The following MCPH1 variants were observed in gnomAD, a reference collection of about 807,000 sequenced individuals.
The protein encoded by MCPH1 is microcephalin 1, also known as microcephalin.
A neutral mutation model predicts 84.5 loss-of-function variants in MCPH1; 104 were observed. That is an observed-to-expected ratio of 1.23 (90% CI 1.05 to 1.45). MCPH1 has a LOEUF of 1.45. MCPH1 is among the 40% of genes most tolerant of loss of function. The pLI, the probability that MCPH1 is intolerant of heterozygous loss-of-function variation, is 0.00. For synonymous variants in MCPH1, 514 were observed against 366.8 expected (o/e 1.40, Z -4.58); for missense variants, 1,498 against 1,005.7 (o/e 1.49, Z -6.62).
rs1330236961 is a variant in MCPH1, at chr8:6,505,533, GTATATATAGAATATATA to G, written c.2214+5607_2214+5623del. Among the ~76,000 whole-genome samples the G allele has an allele frequency of 3.3e-5, 2 of 61,224 alleles. 1 individual carries two copies. The highest frequency in any genetic ancestry group is 8.5e-5 in the Non-Finnish European group (2 of 23,454). The allele number at this position is 61,224 out of a possible 152,430, so 40.2% of individuals were successfully genotyped here. ...TATAGAATATATATTCTTTATATAT[GTATATATAGAATATATA>G]TACTTTATATATGTATATATAGAAT... is the stretch of plus-strand genomic sequence containing the variant. On this transcript the variant is annotated intron_variant, in intron 12 of 13. Coordinates refer to ENST00000344683, the MANE Select transcript of MCPH1 (RefSeq NM_024596.5).
rs994297065 is a variant in MCPH1, at chr8:6,619,709, C to G, written c.2215-1745C>G. ...ACACCATTCTCCTGCCTCAGCCTCC[C>G]GAGTAGCTGGGACTACAGGTGCCCA... On this transcript the variant is annotated intron_variant, in intron 12 of 13. Transcript: ENST00000344683. Among the ~76,000 whole-genome samples the G allele has an allele frequency of 3.9e-5, 6 of 152,260 alleles. No individual in the cohort carries two copies. In the East Asian group the frequency reaches 1.2e-3, roughly 29 times the overall value.
At chr8:6,611,130 TCA>T (rs138053875) in intron 12 of MCPH1, among the ~76,000 whole-genome samples, 3,462 of 149,720 alleles carry the variant, frequency 0.023, 114 homozygotes, top group African/African-American at 0.07. Flanking sequence ...ACACACACAC[TCA>T]CACACACACA....
intron 12 of MCPH1, among the ~76,000 whole-genome samples, chr8:6,598,480 C>T (rs1288129679): frequency 6.6e-6 from 1 of 152,184 alleles, no homozygotes; most frequent in East Asian, 1.9e-4. Context: ...TGAGGAATGT[C>T]GTTGTCCAGG....
intron 12 of MCPH1, chr8:6,615,508 G>A (rs1458948828): frequency 1.3e-5 from 2 of 152,318 alleles, no homozygotes; most frequent in African/African-American, 2.4e-5. Flanking sequence ...CCTGAGTTGG[G>A]GGCAGGAGGC....
At chr8:6,611,875 C>T (rs1196258678) in intron 12 of MCPH1, among the ~76,000 whole-genome samples, 1 of 152,208 alleles carries the variant, frequency 6.6e-6, no homozygotes, top group Non-Finnish European at 1.5e-5. Flanking sequence ...ACCTCGGCCT[C>T]CCAAAGTGCT....
intron 13 of MCPH1, among the ~76,000 whole-genome samples, chr8:6,639,128 A>G (rs535898069): frequency 1.1e-4 from 17 of 152,250 alleles, no homozygotes; most frequent in African/African-American, 4.1e-4. Context: ...CACCACGATA[A>G]ATACGTGGAT....
chr8:6,600,368 C>T (rs887131804), intron 12 of MCPH1, among the ~76,000 whole-genome samples: 2 of 152,234 alleles, frequency 1.3e-5, no homozygotes, highest in African/African-American at 4.8e-5. Context: ...TAGCCCTCAG[C>T]GCACAGGTGG....
At chr8:6,625,467 A>C (rs530846267) in intron 13 of MCPH1, 1 of 985,412 alleles carries the variant, frequency 1.0e-6, no homozygotes, top group African/African-American at 1.7e-5. Context: ...AAAATATCGC[A>C]ATATTGAAAA....
intron 4 of MCPH1, among the ~76,000 whole-genome samples, chr8:6,434,816 G>C (rs1040854188): frequency 2.6e-5 from 4 of 152,156 alleles, no homozygotes; most frequent in African/African-American, 9.7e-5. Context: ...TGAAAACGAA[G>C]GAACCTAGAC....
chr8:6,625,626 C>G, intron 13 of MCPH1: 1 of 985,216 alleles, frequency 1.0e-6, no homozygotes, highest in East Asian at 1.1e-4. Context: ...AAGGTAGGGT[C>G]CCTGAGCGTC....
chr8:6,473,246 A>G (rs952519794), intron 9 of MCPH1, among the ~76,000 whole-genome samples: 3 of 151,082 alleles, frequency 2.0e-5, no homozygotes, highest in Non-Finnish European at 4.4e-5. Flanking sequence ...CTTAAAAGAT[A>G]TCCACTTATA....
rs34009706 is a variant in MCPH1 at position 6,643,040 on chromosome 8, G to A, written c.2499G>A (p.Leu833=). Residue 833 remains leucine (L), a synonymous_variant, in exon 14 of 14, where the codon TTG becomes TTA. Transcript: ENST00000344683. ...HKVCAPENYL[L]SQ ...TCTGTGCCCCTGAAAACTACCTATT[G>A]TCACAATGACAGTGACCTCACTGGC... 1 of 1,613,938 alleles carries A rather than the reference G, an allele frequency of 6.2e-7. No individual in the cohort carries two copies. Among genetic ancestry groups the A allele is most frequent in the Non-Finnish European group, 8.5e-7 (1 of 1,179,888 alleles).
chr8:6,518,664 A>G (rs1816750969), intron 12 of MCPH1, among the ~76,000 whole-genome samples: 1 of 152,232 alleles, frequency 6.6e-6, no homozygotes, highest in African/African-American at 2.4e-5. Flanking sequence ...CTCAATTTAA[A>G]GAGATAATAC....
At chr8:6,517,285 T>C (rs1010772871) in intron 12 of MCPH1, among the ~76,000 whole-genome samples, 1 of 152,184 alleles carries the variant, frequency 6.6e-6, no homozygotes, top group Non-Finnish European at 1.5e-5. Context: ...CTATAAAGCT[T>C]GATGTTTTTC....
rs754182980 is a variant in MCPH1, at chr8:6,602,535, G to A, written c.2215-18919G>A. 9.2e-4 allele frequency among the ~76,000 whole-genome samples: 140 copies of A among 152,082 alleles called. 1 individual carries two copies. Among genetic ancestry groups the A allele is most frequent in the Non-Finnish European group, 3.1e-4 (21 of 67,992 alleles). On this transcript the variant is annotated intron_variant, in intron 12 of 13. Transcript: ENST00000344683. ...GGAGGGTGTGGGGCTGAGTGGCGGCGGCTGGGCTGTGCTCTCCCACTCAGA... is the reference window on the plus strand; with the variant it reads ...GGAGGGTGTGGGGCTGAGTGGCGGCAGCTGGGCTGTGCTCTCCCACTCAGA...
At chr8:6,604,796 C>T (rs2980670) in intron 12 of MCPH1, among the ~76,000 whole-genome samples, 5,434 of 152,328 alleles carry the variant, frequency 0.036, 337 homozygotes, top group African/African-American at 0.12. Context: ...TGAGACACCA[C>T]ATCCAGCCCA....
intron 2 of MCPH1, among the ~76,000 whole-genome samples, 193 bp downstream of exon 2, chr8:6,409,563 T>C (rs1006320031): frequency 2.0e-5 from 3 of 151,954 alleles, no homozygotes; most frequent in Non-Finnish European, 2.9e-5. Flanking sequence ...CCTGTGGGCA[T>C]TGAGTGAGGA....
chr8:6,641,974 G>C (rs958629810), intron 13 of MCPH1, among the ~76,000 whole-genome samples: 1 of 152,120 alleles, frequency 6.6e-6, no homozygotes, highest in Admixed American at 6.5e-5. Context: ...TTTGTATTGA[G>C]AAGACAACAG....
At chr8:6,533,129 A>G (rs1398574091) in intron 12 of MCPH1, among the ~76,000 whole-genome samples, 1 of 152,200 alleles carries the variant, frequency 6.6e-6, no homozygotes, top group Non-Finnish European at 1.5e-5. Context: ...TTGTCATTTC[A>G]TGTATCAAGC....
Sources: gnomAD v4.1 joint callset for allele counts (sites outside exome capture counted in the v4.1 genomes callset) on GRCh38, gnomAD v4.1.1 for gene constraint, MANE v1.5 for transcripts, NCBI Gene and HGNC (gene_info 2026-07-23, HGNC 2026-07-21) for gene names.